ALCAM: variants seen among roughly 807,000 people sequenced by gnomAD.
ALCAM encodes the protein CD166 antigen.
Under a neutral mutation model 70.9 loss-of-function variants are expected in ALCAM, and 30 were observed. The ratio of observed to expected loss-of-function variants is 0.42; its 90% CI spans 0.32 to 0.57. The LOEUF (loss-of-function observed/expected upper bound fraction) is 0.57. Ranked by LOEUF, ALCAM falls within the 20% of genes least tolerant of loss-of-function variation. ALCAM has a pLI of 0.11. For synonymous variants in ALCAM, 249 were observed against 242.5 expected (o/e 1.03, Z -0.25); for missense variants, 591 against 695.1 (o/e 0.85, Z 1.68).
chr3:105,508,939 C>T (rs1052642442), intron 1 of ALCAM, among the ~76,000 whole-genome samples: 2 of 152,070 alleles, frequency 1.3e-5, no homozygotes, highest in African/African-American at 2.4e-5. Context: ...TTTGCCTTTT[C>T]TAGATTCCAC....
At chr3:105,416,277 G>C (rs1469560747) in intron 1 of ALCAM, among the ~76,000 whole-genome samples, 1 of 151,930 alleles carries the variant, frequency 6.6e-6, no homozygotes, top group Non-Finnish European at 1.5e-5. Flanking sequence ...CTGAAGCTGT[G>C]TTTTTCCAAA....
chr3:105,473,339 T>C (rs1297921885), intron 1 of ALCAM, among the ~76,000 whole-genome samples: 2 of 151,548 alleles, frequency 1.3e-5, no homozygotes, highest in African/African-American at 4.8e-5. Flanking sequence ...AAAGTCTTGA[T>C]GTTACAAGAA....
chr3:105,473,173 A>C (rs1024171835), intron 1 of ALCAM, among the ~76,000 whole-genome samples: 1 of 151,410 alleles, frequency 6.6e-6, no homozygotes, highest in Non-Finnish European at 1.5e-5. Context: ...TAATGTAAAA[A>C]ATATATATAT....
intron 1 of ALCAM, among the ~76,000 whole-genome samples, chr3:105,479,453 A>G (rs1242242819): frequency 1.3e-5 from 2 of 152,202 alleles, no homozygotes; most frequent in Non-Finnish European, 2.9e-5. Context: ...TATCATACAT[A>G]AAATACAATA....
chr3:105,464,847 G>A (rs1937669655), intron 1 of ALCAM, among the ~76,000 whole-genome samples: 1 of 151,302 alleles, frequency 6.6e-6, no homozygotes, highest in South Asian at 2.1e-4. Flanking sequence ...TTAGTGGTAG[G>A]ATTTAACAGA....
chr3:105,559,213 T>A (rs1940580119), intron 14 of ALCAM, among the ~76,000 whole-genome samples: 1 of 148,024 alleles, frequency 6.8e-6, no homozygotes, highest in African/African-American at 2.5e-5. Flanking sequence ...TATACATATA[T>A]TACATATATA....
intron 1 of ALCAM, among the ~76,000 whole-genome samples, chr3:105,482,541 G>A (rs1938301971): frequency 6.6e-6 from 1 of 151,894 alleles, no homozygotes; most frequent in African/African-American, 2.4e-5. Context: ...GTCCATTTCA[G>A]AACAAATAAA....
At chr3:105,491,938 C>T (rs1026568587) in intron 1 of ALCAM, among the ~76,000 whole-genome samples, 2 of 152,178 alleles carry the variant, frequency 1.3e-5, no homozygotes, top group African/African-American at 4.8e-5. Flanking sequence ...GGCATCTTTA[C>T]AGCAGCGCCC....
In ALCAM at chr3:105,533,840, G is replaced by A. The variant is rs1939905265; in HGVS notation, c.547+150G>A. On this transcript the variant is annotated intron_variant, in intron 5 of 15. Coordinates refer to ENST00000306107, the MANE Select transcript of ALCAM (RefSeq NM_001627.4). ...GACAATTTTTCTTTGGATCAGGGTGGGGGGATGGTTTCAGGGTGATTCACA... is the reference window on the plus strand; with the variant it reads ...GACAATTTTTCTTTGGATCAGGGTGAGGGGATGGTTTCAGGGTGATTCACA... The A allele has an allele frequency of 6.6e-6, 4 of 604,586 alleles. No homozygotes were observed. In the Admixed American group the frequency reaches 1.2e-4, roughly 17 times the overall value. 37.5% of individuals were successfully genotyped at this position (604,586 alleles called of 1,614,324 possible).
Position 105,520,051 on chromosome 3 carries a change from T to A in ALCAM, c.74-16T>A, listed in dbSNP as rs1287252035. On this transcript the variant is annotated splice_polypyrimidine_tract_variant and intron_variant, in intron 1 of 15. Coordinates refer to ENST00000306107, the MANE Select transcript of ALCAM (RefSeq NM_001627.4). ...TCTCTCTTTCTCTCTTCTTCCTTTT[T>A]TTTTTTCCCCCAAAGGCCTTGGATG... 1.3e-6 allele frequency: 2 copies of A among 1,530,396 alleles called. 1 individual carries two copies. The highest frequency in any genetic ancestry group is 2.4e-5 in the South Asian group (2 of 82,644). 94.8% of individuals were successfully genotyped at this position (1,530,396 alleles called of 1,614,324 possible). A position where few individuals can be genotyped will look rare whatever the true frequency, so the allele number is the denominator to read the frequency against.
chr3:105,481,702 A>G (rs1232576757), intron 1 of ALCAM, among the ~76,000 whole-genome samples: 1 of 152,168 alleles, frequency 6.6e-6, no homozygotes, highest in Non-Finnish European at 1.5e-5. Flanking sequence ...TCCACATATT[A>G]CATTATGTGA....
intron 1 of ALCAM, among the ~76,000 whole-genome samples, chr3:105,417,632 A>G (rs1442102385): frequency 6.6e-6 from 1 of 151,830 alleles, no homozygotes; most frequent in South Asian, 2.1e-4. Flanking sequence ...AAATTGTAAG[A>G]TAATTATAGT....
chr3:105,371,377 G>A (rs1374907388), intron 1 of ALCAM, among the ~76,000 whole-genome samples: 3 of 151,858 alleles, frequency 2.0e-5, no homozygotes, highest in Non-Finnish European at 4.4e-5. Context: ...TAATTCCCTT[G>A]CTCAGCATTT....
intron 1 of ALCAM, among the ~76,000 whole-genome samples, chr3:105,472,700 T>C (rs750810950): frequency 2.6e-4 from 40 of 151,466 alleles, no homozygotes; most frequent in Non-Finnish European, 5.3e-4. Flanking sequence ...GATTGAGATG[T>C]CTGAAAATCA....
chr3:105,505,153 T>G (rs1384810484), intron 1 of ALCAM, among the ~76,000 whole-genome samples: 2 of 152,170 alleles, frequency 1.3e-5, no homozygotes, highest in Non-Finnish European at 2.9e-5. Context: ...GGTAGCTTAT[T>G]TATATGTATA....
chr3:105,371,578 T>G (rs1173859739), intron 1 of ALCAM, among the ~76,000 whole-genome samples: 4 of 151,996 alleles, frequency 2.6e-5, no homozygotes, highest in African/African-American at 9.7e-5. Flanking sequence ...ACCGTGGGCC[T>G]TTGTAAAACT....
rs774727472 is a variant in ALCAM at position 105,544,443 on chromosome 3, C to T, written c.992-780C>T. ...TCTTCATTTGTACCTCTGTTTCTAGCCTGCCTTTCATCTTTCAACAAATAT... is the reference window on the plus strand; with the variant it reads ...TCTTCATTTGTACCTCTGTTTCTAGTCTGCCTTTCATCTTTCAACAAATAT... On this transcript the variant is annotated intron_variant, in intron 8 of 15. Coordinates refer to ENST00000306107, the MANE Select transcript of ALCAM (RefSeq NM_001627.4). 4.6e-5 allele frequency among the ~76,000 whole-genome samples: 7 copies of T among 151,494 alleles called. No homozygotes were observed. The Admixed American group carries it at 4.6e-4, about 10-fold the overall frequency.
At chr3:105,427,598 C>T (rs1332000811) in intron 1 of ALCAM, among the ~76,000 whole-genome samples, 1 of 151,890 alleles carries the variant, frequency 6.6e-6, no homozygotes, top group Admixed American at 6.6e-5. Context: ...CCCCTCCCCT[C>T]ATCTGACACC....
chr3:105,405,277 C>CAAAAAAAAAAAAA (rs35101188), intron 1 of ALCAM, among the ~76,000 whole-genome samples: 3 of 65,270 alleles, frequency 4.6e-5, no homozygotes, highest in African/African-American at 6.3e-5. Flanking sequence ...AACTTCGTCT[C>CAAAAAAAAAAAAA]AAAAAAAAAA....
Sources: gnomAD v4.1 joint callset for allele counts (sites outside exome capture counted in the v4.1 genomes callset) on GRCh38, gnomAD v4.1.1 for gene constraint, MANE v1.5 for transcripts, NCBI Gene and HGNC (gene_info 2026-07-23, HGNC 2026-07-21) for gene names.